The following SGK3 variants were observed in gnomAD, a reference collection of about 807,000 sequenced individuals.
The protein encoded by SGK3 is serum/glucocorticoid regulated kinase family member 3, also known as serine/threonine-protein kinase Sgk3.
In SGK3, 47 loss-of-function variants were observed where a neutral mutation model predicts 68.5. The ratio of observed to expected loss-of-function variants is 0.69; its 90% CI spans 0.54 to 0.87. The LOEUF (loss-of-function observed/expected upper bound fraction) is 0.87, where lower values mean the gene tolerates loss of function less well. SGK3 is among the 40% of genes least tolerant of loss of function. The probability of loss-of-function intolerance (pLI) is 0.00; values close to 1 mark genes in which losing one functional copy is unlikely to be tolerated. For synonymous variants in SGK3, 181 were observed against 189.1 expected, an observed-to-expected ratio of 0.96 and a Z score of 0.35; for missense variants, 479 against 575.5, an observed-to-expected ratio of 0.83 and a Z score of 1.72.
At chr8:66,784,219 A>G (rs1296932056) in intron 1 of SGK3, among the ~76,000 whole-genome samples, 1 of 152,158 alleles carries the variant, frequency 6.6e-6, no homozygotes, top group African/African-American at 2.4e-5. Flanking sequence ...ATTTATGTGC[A>G]TGGATTTTCT....
chr8:66,739,975 CAT>C (rs927745587), intron 1 of SGK3, among the ~76,000 whole-genome samples: 33 of 152,320 alleles, frequency 2.2e-4, no homozygotes, highest in African/African-American at 7.7e-4. Context: ...CCTCCCACAA[CAT>C]GTGGGGATTA....
intron 1 of SGK3, among the ~76,000 whole-genome samples, chr8:66,784,610 T>G (rs532864553): frequency 4.1e-4 from 63 of 152,150 alleles, no homozygotes; most frequent in African/African-American, 1.3e-3. Context: ...TTTTTTTGAC[T>G]GCCCTGAAAC....
chr8:66,799,108 G>A (rs1807820652), intron 3 of SGK3, among the ~76,000 whole-genome samples: 1 of 152,160 alleles, frequency 6.6e-6, no homozygotes, highest in South Asian at 2.1e-4. Context: ...AGCTACCTAG[G>A]TGGTAAGATC....
At chr8:66,743,385 A>G (rs554214324) in intron 1 of SGK3, among the ~76,000 whole-genome samples, 5 of 152,124 alleles carry the variant, frequency 3.3e-5, no homozygotes, top group Non-Finnish European at 7.4e-5. Flanking sequence ...TCCATATCCT[A>G]TCTATGGATT....
At chr8:66,720,125 T>C (rs1406774230) in intron 1 of SGK3, among the ~76,000 whole-genome samples, 1 of 152,208 alleles carries the variant, frequency 6.6e-6, no homozygotes, top group African/African-American at 2.4e-5. Context: ...AATGAGGGTG[T>C]GTGGATAGAC....
chr8:66,798,061 A>G (rs1292909386), intron 2 of SGK3, among the ~76,000 whole-genome samples: 1 of 151,776 alleles, frequency 6.6e-6, no homozygotes, highest in Non-Finnish European at 1.5e-5. Context: ...AGGCTGGAGT[A>G]CAGTGGTGTG....
chr8:66,779,983 T>C (rs1806908120), intron 1 of SGK3, among the ~76,000 whole-genome samples: 1 of 152,116 alleles, frequency 6.6e-6, no homozygotes, highest in Non-Finnish European at 1.5e-5. Flanking sequence ...TCCTTGATTT[T>C]ATAAAGCCTT....
chr8:66,828,624 A>C, intron 6 of SGK3, 30 bp from the exon 7 acceptor site: 1 of 1,613,370 alleles, frequency 6.2e-7, no homozygotes, highest in African/African-American at 1.3e-5. Flanking sequence ...CTCCAATAAG[A>C]ATGTTGTTTT....
rs55684607 is a variant in SGK3 at position 66,744,519 on chromosome 8, A to AT, written c.-122+31712dup. Among the ~76,000 whole-genome samples, 99 of 21,264 alleles carry AT rather than the reference A, an allele frequency of 4.7e-3. 3 individuals carry two copies. The highest frequency in any genetic ancestry group is 8.7e-3 in the South Asian group (4 of 460). 14.0% of individuals were successfully genotyped at this position (21,264 alleles called of 152,430 possible). A position where few individuals can be genotyped will look rare whatever the true frequency, so the allele number is the denominator to read the frequency against. ...TATATATATATATATATATATATAT[A>AT]TTTTTTTTTTTTTTTTTTTTTTTTT... On this transcript the variant is annotated intron_variant, in intron 1 of 16. Coordinates refer to ENST00000521198, the MANE Select transcript of SGK3 (RefSeq NM_001033578.3).
intron 5 of SGK3, among the ~76,000 whole-genome samples, chr8:66,817,105 C>A (rs1808619187): frequency 6.6e-6 from 1 of 152,040 alleles, no homozygotes. Flanking sequence ...CAGGCATGAG[C>A]CACCGTGCCC....
intron 4 of SGK3, among the ~76,000 whole-genome samples, chr8:66,807,949 A>G (rs565034570): frequency 5.0e-4 from 76 of 152,312 alleles, no homozygotes; most frequent in African/African-American, 1.8e-3. Flanking sequence ...GTATTTTGCT[A>G]TGGTGTGATC....
In SGK3 at chr8:66,821,678, A is replaced by ATTT. The variant is rs59399048; in HGVS notation, c.330-676_330-674dup. ...CAGGTGTCCGCCACCACGCCCGGCT[A>ATTT]TTTTTTTTTTTTTTTTTTTTGTATT... is the stretch of plus-strand genomic sequence containing the variant. On this transcript the variant is annotated intron_variant, in intron 5 of 16. Coordinates refer to ENST00000521198, the MANE Select transcript of SGK3 (RefSeq NM_001033578.3). 4.8e-3 allele frequency among the ~76,000 whole-genome samples: 519 copies of ATTT among 108,502 alleles called. 15 individuals carry two copies. Among genetic ancestry groups the ATTT allele is most frequent in the African/African-American group, 0.013 (341 of 26,932 alleles). The allele number at this position is 108,502 out of a possible 152,430, so 71.2% of individuals were successfully genotyped here.
intron 4 of SGK3, among the ~76,000 whole-genome samples, chr8:66,807,683 G>A (rs1468877682): frequency 6.6e-6 from 1 of 152,096 alleles, no homozygotes; most frequent in African/African-American, 2.4e-5. Context: ...TTTTTCTGGT[G>A]GAATAAAAAG....
chr8:66,796,416 C>T (rs1169596606), intron 2 of SGK3, among the ~76,000 whole-genome samples: 7 of 142,696 alleles, frequency 4.9e-5, no homozygotes, highest in Admixed American at 7.5e-5. Flanking sequence ...CCGCCCACCT[C>T]GGCCTCCCAA....
At chr8:66,809,612 T>C (rs1739117862) in intron 4 of SGK3, among the ~76,000 whole-genome samples, 1 of 152,178 alleles carries the variant, frequency 6.6e-6, no homozygotes, top group African/African-American at 2.4e-5. Context: ...AATCAATAAA[T>C]TAAAAAATCA....
At chr8:66,804,313 T>G in intron 3 of SGK3, 62 bp from the exon 4 acceptor site, 1 of 1,410,510 alleles carries the variant, frequency 7.1e-7, no homozygotes, top group South Asian at 1.3e-5. Flanking sequence ...TTGGCTTTGA[T>G]GTGTGCATAA....
chr8:66,760,634 A>C (rs1275799589), intron 1 of SGK3, among the ~76,000 whole-genome samples: 1 of 151,918 alleles, frequency 6.6e-6, no homozygotes, highest in African/African-American at 2.4e-5. Context: ...GTGCCCGGCC[A>C]CTTTGTTCAT....
Position 66,818,605 on chromosome 8 carries a change from A to G in SGK3, c.330-3767A>G, listed in dbSNP as rs78447554. On this transcript the variant is annotated intron_variant, in intron 5 of 16. Transcript: ENST00000521198. ...TTCTTCCTTCCCAAAGGTAACTACC[A>G]GCCTGACTTTTAACAAAACAGATTA... Among the ~76,000 whole-genome samples, 1,205 of 152,322 alleles carry G rather than the reference A, an allele frequency of 7.9e-3. 17 individuals are homozygous for G. The highest frequency in any genetic ancestry group is 0.027 in the African/African-American group (1,142 of 41,556).
At chr8:66,786,258 A>G (rs1807193859) in intron 1 of SGK3, among the ~76,000 whole-genome samples, 1 of 152,238 alleles carries the variant, frequency 6.6e-6, no homozygotes, top group African/African-American at 2.4e-5. Context: ...TAAAGCATGT[A>G]CATGTGGTGG....
Sources: gnomAD v4.1 joint callset for allele counts (sites outside exome capture counted in the v4.1 genomes callset) on GRCh38, gnomAD v4.1.1 for gene constraint, MANE v1.5 for transcripts, NCBI Gene and HGNC (gene_info 2026-07-23, HGNC 2026-07-21) for gene names.